Variants in CNTNAP4 observed in about 807,000 individuals in gnomAD.
CNTNAP4 encodes contactin associated protein family member 4.
Under a neutral mutation model 148.4 loss-of-function variants are expected in CNTNAP4, and 98 were observed. That is an observed-to-expected ratio of 0.66 (90% CI 0.56 to 0.78). The LOEUF (loss-of-function observed/expected upper bound fraction) is 0.78, where lower values mean the gene tolerates loss of function less well. CNTNAP4 is among the 30% of genes least tolerant of loss of function. The pLI, the probability that CNTNAP4 is intolerant of heterozygous loss-of-function variation, is 0.00. For synonymous variants in CNTNAP4, 730 were observed against 565.1 expected (o/e 1.29, Z -4.14); for missense variants, 1,935 against 1,565.6 (o/e 1.24, Z -3.98).
At position 76,522,189 on chromosome 16, in the gene CNTNAP4, C is replaced by A; in HGVS notation, c.2687C>A (p.Thr896Lys). ...KEASLQVDQL[T>K]PKTQPAPADG... ...GCCTCCCTTCAAGTGGATCAGCTGACACCAAAGACACAGCCCGCCCCCGCT... is the reference window on the plus strand; with the variant it reads ...GCCTCCCTTCAAGTGGATCAGCTGAAACCAAAGACACAGCCCGCCCCCGCT... The change falls in exon 17 of 24, where the codon ACA becomes AAA. Residue 896 changes from threonine (T) to lysine (K), a missense_variant. Coordinates refer to ENST00000611870, the MANE Select transcript of CNTNAP4 (RefSeq NM_033401.5). 1 of 1,613,982 alleles carries A rather than the reference C, an allele frequency of 6.2e-7. No homozygotes were observed. The highest frequency in any genetic ancestry group is 8.5e-7 in the Non-Finnish European group (1 of 1,179,904).
Position 76,507,584 on chromosome 16 carries a change from A to G in CNTNAP4, c.2365+8890A>G, listed in dbSNP as rs1249749227. On this transcript the variant is annotated intron_variant, in intron 15 of 23. Transcript: ENST00000611870. ...TTTATATGGCTGAAATAAAAAGAGG[A>G]AAAAAAAGCACATTTTTCTATATAG... Among the ~76,000 whole-genome samples, 5 of 97,468 alleles carry G rather than the reference A, an allele frequency of 5.1e-5. 2 individuals are homozygous for G. Among genetic ancestry groups the G allele is most frequent in the Non-Finnish European group, 5.8e-5 (2 of 34,236 alleles). The allele number at this position is 97,468 out of a possible 152,430, so 63.9% of individuals were successfully genotyped here. A position where few individuals can be genotyped will look rare whatever the true frequency, so the allele number is the denominator to read the frequency against.
At chr16:76,400,559 C>T (rs2078372584) in intron 3 of CNTNAP4, among the ~76,000 whole-genome samples, 1 of 152,048 alleles carries the variant, frequency 6.6e-6, no homozygotes, top group Non-Finnish European at 1.5e-5. Flanking sequence ...TCCCATTTGT[C>T]AATATTTGAT....
At chr16:76,349,861 A>G (rs1389381199) in intron 2 of CNTNAP4, among the ~76,000 whole-genome samples, 1 of 152,086 alleles carries the variant, frequency 6.6e-6, no homozygotes, top group Middle Eastern at 3.2e-3. Flanking sequence ...CTACTTGAAT[A>G]AAGTTGATAC....
chr16:76,387,510 A>G (rs1407226790), intron 3 of CNTNAP4, among the ~76,000 whole-genome samples: 1 of 152,162 alleles, frequency 6.6e-6, no homozygotes, highest in Non-Finnish European at 1.5e-5. Flanking sequence ...TTAGTGCTTT[A>G]TATATTTTAA....
At chr16:76,370,340 C>G (rs989616745) in intron 3 of CNTNAP4, among the ~76,000 whole-genome samples, 3 of 151,948 alleles carry the variant, frequency 2.0e-5, no homozygotes, top group African/African-American at 7.3e-5. Context: ...GCGCCAGTGC[C>G]CCATCAGAGA....
At chr16:76,295,047 A>C (rs1318503185) in intron 1 of CNTNAP4, among the ~76,000 whole-genome samples, 1 of 152,196 alleles carries the variant, frequency 6.6e-6, no homozygotes, top group East Asian at 1.9e-4. Context: ...CCCTGGCTTA[A>C]AGCTCAGCTT....
At chr16:76,299,941 A>G (rs1959767177) in intron 1 of CNTNAP4, among the ~76,000 whole-genome samples, 1 of 152,154 alleles carries the variant, frequency 6.6e-6, no homozygotes, top group South Asian at 2.1e-4. Flanking sequence ...TGGGATTTGA[A>G]CAACGAGAAC....
chr16:76,387,829 T>C (rs755528889), intron 3 of CNTNAP4, among the ~76,000 whole-genome samples: 11 of 152,224 alleles, frequency 7.2e-5, no homozygotes, highest in Non-Finnish European at 1.5e-4. Flanking sequence ...TCCTAGTATA[T>C]AGGCTGTGCT....
intron 2 of CNTNAP4, among the ~76,000 whole-genome samples, chr16:76,317,730 T>G (rs1961952156): frequency 6.6e-6 from 1 of 152,174 alleles, no homozygotes; most frequent in South Asian, 2.1e-4. Context: ...TGTGTGTATG[T>G]GTGTGTGTAT....
chr16:76,311,040 A>G (rs1186149382), intron 1 of CNTNAP4, among the ~76,000 whole-genome samples: 1 of 152,160 alleles, frequency 6.6e-6, no homozygotes, highest in Non-Finnish European at 1.5e-5. Flanking sequence ...TATCAGGATC[A>G]GTTGAGTTAA....
At chr16:76,293,115 CTTTTTTCTTTCTTTCTT>C (rs1959169071) in intron 1 of CNTNAP4, among the ~76,000 whole-genome samples, 1 of 151,892 alleles carries the variant, frequency 6.6e-6, no homozygotes, top group Non-Finnish European at 1.5e-5. Context: ...CTTAATATTT[CTTTTTTCTTTCTTTCTT>C]TTTTTTTTTC....
chr16:76,453,560 A>G (rs1158872960), intron 8 of CNTNAP4, among the ~76,000 whole-genome samples: 1 of 152,212 alleles, frequency 6.6e-6, no homozygotes, highest in Non-Finnish European at 1.5e-5. Context: ...GCCTTGGGGT[A>G]AATTACTACA....
chr16:76,365,157 T>A (rs1381057490), intron 3 of CNTNAP4, among the ~76,000 whole-genome samples: 1 of 152,200 alleles, frequency 6.6e-6, no homozygotes, highest in East Asian at 1.9e-4. Context: ...CTTGTTTTTG[T>A]CAGGTTTGTC....
chr16:76,558,922 A>AC lies in CNTNAP4; in HGVS notation c.*239_*240insC. ...GCTGTTAATTTTCAACTGTTCTGGTATGATCTAAAACAAGTTTAACCTGCT... is the reference window on the plus strand; with the variant it reads ...GCTGTTAATTTTCAACTGTTCTGGTACTGATCTAAAACAAGTTTAACCTGCT... On this transcript the variant is annotated 3_prime_UTR_variant, in exon 24 of 24. Transcript: ENST00000611870. 3.0e-6 allele frequency: 1 copy of AC among 338,540 alleles called. No homozygotes were observed. The highest frequency in any genetic ancestry group is 5.3e-6 in the Non-Finnish European group (1 of 187,734). The allele number at this position is 338,540 out of a possible 1,614,324, so 21.0% of individuals were successfully genotyped here.
chr16:76,540,867 A>G, intron 21 of CNTNAP4, 77 bp downstream of exon 21: 1 of 951,552 alleles, frequency 1.1e-6, no homozygotes, highest in Non-Finnish European at 1.6e-6. Context: ...GTCATATTAC[A>G]CACACCCACT....
At chr16:76,428,148 T>C (rs1568128378) in intron 4 of CNTNAP4, among the ~76,000 whole-genome samples, 1 of 152,192 alleles carries the variant, frequency 6.6e-6, no homozygotes, top group Non-Finnish European at 1.5e-5. Context: ...ATAAAAAAGA[T>C]AGAAACCACA....
At chr16:76,521,443 T>A in intron 16 of CNTNAP4, 133 bp downstream of exon 16, 1 of 636,942 alleles carries the variant, frequency 1.6e-6, no homozygotes, top group East Asian at 2.9e-5. Context: ...AAAAACTCAA[T>A]AATATTAACT....
intron 3 of CNTNAP4, among the ~76,000 whole-genome samples, chr16:76,388,635 A>G (rs948440080): frequency 1.3e-5 from 2 of 152,246 alleles, no homozygotes; most frequent in African/African-American, 4.8e-5. Flanking sequence ...TGTCTGATAT[A>G]TAATAGTAAT....
chr16:76,495,233 A>G, intron 14 of CNTNAP4, 167 bp downstream of exon 14: 1 of 589,198 alleles, frequency 1.7e-6, no homozygotes, highest in Non-Finnish European at 2.8e-6. Flanking sequence ...GTTAGTATTA[A>G]GTCAATGCCT....
Sources: gnomAD v4.1 joint callset for allele counts (sites outside exome capture counted in the v4.1 genomes callset) on GRCh38, gnomAD v4.1.1 for gene constraint, MANE v1.5 for transcripts, NCBI Gene and HGNC (gene_info 2026-07-23, HGNC 2026-07-21) for gene names.